BEND5: variants seen among roughly 807,000 people sequenced by gnomAD.
BEND5 encodes the protein BEN domain-containing protein 5.
BEND5 carries 22 observed loss-of-function variants against 43.9 expected under a neutral mutation model. That is an observed-to-expected ratio of 0.50 (90% CI 0.36 to 0.72). BEND5 has a LOEUF of 0.72. BEND5 is among the 30% of genes least tolerant of loss of function. The probability of loss-of-function intolerance (pLI) is 0.00; values close to 1 mark genes in which losing one functional copy is unlikely to be tolerated. For missense variants in BEND5, 428 were observed against 550.6 expected (o/e 0.78, Z 2.23); for synonymous variants, 228 against 225.9 (o/e 1.01, Z -0.08).
At chr1:48,752,063 A>G (rs1294153977) in intron 3 of BEND5, among the ~76,000 whole-genome samples, 2 of 152,336 alleles carry the variant, frequency 1.3e-5, no homozygotes, top group East Asian at 3.9e-4. Flanking sequence ...AGGATACAAC[A>G]GTTTTTGAAA....
Position 48,727,916 on chromosome 1 carries a change from T to C in BEND5, c.1236A>G (p.Glu412=), listed in dbSNP as rs765630810. The part of the protein sequence containing the change: ...MDINKSCKNE[E]RREAKYNLQ ...GCAAATTGTATTTTGCTTCCCTTCG[T>C]TCTTCATTTTTACAGGATTTATTGA... Residue 412 remains glutamate (E), a synonymous_variant, in exon 6 of 6, where the codon GAA becomes GAG. Coordinates refer to ENST00000371833, the MANE Select transcript of BEND5 (RefSeq NM_024603.4). 8 of 1,606,580 alleles carry C rather than the reference T, an allele frequency of 5.0e-6. No homozygotes were observed. In the Middle Eastern group the frequency reaches 8.3e-4, roughly 166 times the overall value.
At chr1:48,754,963 C>T (rs925929493) in intron 3 of BEND5, among the ~76,000 whole-genome samples, 4 of 152,156 alleles carry the variant, frequency 2.6e-5, no homozygotes, top group South Asian at 2.1e-4. Context: ...AGCAAAATGA[C>T]GGTGACAGTC....
chr1:48,747,995 C>T (rs181977528), intron 3 of BEND5, among the ~76,000 whole-genome samples: 17 of 152,202 alleles, frequency 1.1e-4, no homozygotes, highest in African/African-American at 3.9e-4. Context: ...TTCTCTGTTA[C>T]AAGTACCATC....
At chr1:48,757,524 T>C (rs1003174630) in intron 3 of BEND5, among the ~76,000 whole-genome samples, 5 of 151,908 alleles carry the variant, frequency 3.3e-5, no homozygotes, top group Admixed American at 3.3e-4. Context: ...GTGACTAGAG[T>C]TGAGACAGAA....
intron 2 of BEND5, 77 bp downstream of exon 2, chr1:48,761,260 C>A: frequency 2.1e-6 from 3 of 1,420,288 alleles, no homozygotes; most frequent in East Asian, 2.5e-5. Context: ...GGAGAGGAAG[C>A]CAGACTGAAA....
chr1:48,776,546 C>G, intron 1 of BEND5, 60 bp downstream of exon 1: 2 of 1,250,466 alleles, frequency 1.6e-6, no homozygotes, highest in Non-Finnish European at 2.1e-6. Flanking sequence ...GGCCCCCGGC[C>G]CCTCCCGGGG....
At chr1:48,765,547 G>C (rs901357156) in intron 1 of BEND5, among the ~76,000 whole-genome samples, 2 of 152,180 alleles carry the variant, frequency 1.3e-5, no homozygotes, top group Non-Finnish European at 2.9e-5. Context: ...CTATAACCCA[G>C]CAATTCCGCT....
intron 5 of BEND5, among the ~76,000 whole-genome samples, chr1:48,734,342 C>A (rs1648667508): frequency 6.6e-6 from 1 of 152,140 alleles, no homozygotes; most frequent in African/African-American, 2.4e-5. Context: ...CCTTGAACTC[C>A]AAAATACACC....
rs1240182647 is a variant in BEND5, at chr1:48,736,654, A to T, written c.895-202T>A. On this transcript the variant is annotated intron_variant, in intron 4 of 5. Transcript: ENST00000371833. This position sits in a 1 kb window ranked among gnomAD's most constrained non-coding sequence, Gnocchi z 4.0. ...GCCAGGCCTTATTCTAGGGCTTTAT[A>T]TTTGCTATCTTAAATCTTCATGGCA... is the stretch of plus-strand genomic sequence containing the variant. Among the ~76,000 whole-genome samples the T allele has an allele frequency of 6.6e-6, 1 of 152,132 alleles. No individual in the cohort carries two copies. Among genetic ancestry groups the T allele is most frequent in the Non-Finnish European group, 1.5e-5 (1 of 68,024 alleles).
Position 48,771,278 on chromosome 1 carries a change from C to G in BEND5, c.226+5328G>C, listed in dbSNP as rs546686192. The stretch of plus-strand genomic sequence containing the variant: ...GCTTATAAGACAAAGCAGGTAGGCA[C>G]ACTAGAAAGAGAATTGGTCTTGGTG... On this transcript the variant is annotated intron_variant, in intron 1 of 5. Coordinates refer to ENST00000371833, the MANE Select transcript of BEND5 (RefSeq NM_024603.4). Among the ~76,000 whole-genome samples, 59 of 152,292 alleles carry G rather than the reference C, an allele frequency of 3.9e-4. No homozygotes were observed. The Middle Eastern group carries it at 0.01, about 26-fold the overall frequency.
At chr1:48,732,708 G>A (rs1461317050) in intron 5 of BEND5, among the ~76,000 whole-genome samples, 2 of 152,136 alleles carry the variant, frequency 1.3e-5, no homozygotes, top group African/African-American at 2.4e-5. Flanking sequence ...TGAGGTCAGA[G>A]GCGTCCCAAA....
At chr1:48,759,652 G>T (rs1644149816) in intron 2 of BEND5, among the ~76,000 whole-genome samples, 1 of 152,196 alleles carries the variant, frequency 6.6e-6, no homozygotes, top group Non-Finnish European at 1.5e-5. Context: ...GCTCATGGGG[G>T]TGTTCAATAT....
intron 1 of BEND5, among the ~76,000 whole-genome samples, chr1:48,772,018 A>G (rs1288645619): frequency 1.3e-5 from 2 of 152,134 alleles, no homozygotes; most frequent in Non-Finnish European, 2.9e-5. Context: ...TATCTCCCCT[A>G]TTTCCCTCTC....
intron 3 of BEND5, among the ~76,000 whole-genome samples, chr1:48,758,541 T>G (rs1389037536): frequency 6.6e-6 from 1 of 152,250 alleles, no homozygotes; most frequent in African/African-American, 2.4e-5. Context: ...GTTAGGATCA[T>G]GTCTACTTCT....
intron 5 of BEND5, among the ~76,000 whole-genome samples, chr1:48,734,357 A>G (rs79940056): frequency 0.012 from 1,794 of 152,042 alleles, 43 homozygotes; most frequent in African/African-American, 0.041. Flanking sequence ...TACACCCTAC[A>G]CTTGGGCATA....
chr1:48,751,103 T>C (rs550871350), intron 3 of BEND5, among the ~76,000 whole-genome samples: 8 of 152,200 alleles, frequency 5.3e-5, no homozygotes, highest in Non-Finnish European at 8.8e-5. Context: ...TGGGCCTCAG[T>C]TGTCCATCTA....
chr1:48,776,673 G>A lies in BEND5; in HGVS notation c.159C>T (p.Ser53=). The A allele has an allele frequency of 1.3e-6, 2 of 1,502,356 alleles. No individual in the cohort carries two copies. Among genetic ancestry groups the A allele is most frequent in the Non-Finnish European group, 1.8e-6 (2 of 1,127,834 alleles). The allele number at this position is 1,502,356 out of a possible 1,614,324, so 93.1% of individuals were successfully genotyped here. The change falls in exon 1 of 6, where the codon AGC becomes AGT. Residue 53 remains serine, a synonymous_variant. Coordinates refer to ENST00000371833, the MANE Select transcript of BEND5 (RefSeq NM_024603.4). The part of the protein sequence containing the change: ...GPEELGAGPE[S]PPRAPRDWGA... ...CCCAGTCGCGGGGGGCGCGCGGGGG[G>A]CTCTCGGGCCCGGCGCCCAATTCCT...
At chr1:48,729,293 T>C (rs548923756) in intron 5 of BEND5, among the ~76,000 whole-genome samples, 1 of 152,306 alleles carries the variant, frequency 6.6e-6, no homozygotes, top group African/African-American at 2.4e-5. Context: ...AATAACTGAA[T>C]AAATGCTTTT....
At chr1:48,738,230 G>A (rs957093356) in intron 4 of BEND5, among the ~76,000 whole-genome samples, 2 of 152,198 alleles carry the variant, frequency 1.3e-5, no homozygotes, top group Admixed American at 1.3e-4. Context: ...ACCCATGAAT[G>A]TAAGTCAACA....
Sources: gnomAD v4.1 joint callset for allele counts (sites outside exome capture counted in the v4.1 genomes callset) on GRCh38, gnomAD v4.1.1 for gene constraint, Gnocchi (gnomAD v3.1) non-coding constraint, MANE v1.5 for transcripts, NCBI Gene and HGNC (gene_info 2026-07-23, HGNC 2026-07-21) for gene names.